NIPA2: variants seen among roughly 807,000 people sequenced by gnomAD.
NIPA2 encodes magnesium transporter NIPA2.
A neutral mutation model predicts 29.7 loss-of-function variants in NIPA2; 11 were observed. That is an observed-to-expected ratio of 0.37 (90% CI 0.23 to 0.61). The LOEUF is 0.61. Ranked by LOEUF, NIPA2 falls within the 20% of genes least tolerant of loss-of-function variation. NIPA2 has a pLI of 0.66. For missense variants in NIPA2, 426 were observed against 437.9 expected (o/e 0.97, Z 0.24); for synonymous variants, 183 against 161.9 (o/e 1.13, Z -0.99).
rs1035681624 is a variant in NIPA2, at chr15:22,867,421, C to T, written c.*574C>T. 4.9e-5 allele frequency: 18 copies of T among 371,106 alleles called. No individual in the cohort carries two copies. Among genetic ancestry groups the T allele is most frequent in the African/African-American group, 1.0e-4 (5 of 48,020 alleles). 23.0% of individuals were successfully genotyped at this position (371,106 alleles called of 1,614,324 possible). On this transcript the variant is annotated 3_prime_UTR_variant, in exon 8 of 8. Coordinates refer to ENST00000337451, the MANE Select transcript of NIPA2 (RefSeq NM_030922.7). ...AAAGGGCAGAAATCACCCCAAGGAA[C>T]GATTTCTCAGGTTGAGATGATCACC...
rs550636271 is a variant in NIPA2 at position 22,853,460 on chromosome 15, A to G, written c.196+192A>G. Among the ~76,000 whole-genome samples, 355 of 145,714 alleles carry G rather than the reference A, an allele frequency of 2.4e-3. 1 individual carries two copies. Among genetic ancestry groups the G allele is most frequent in the Middle Eastern group, 0.018 (5 of 276 alleles). On this transcript the variant is annotated intron_variant, in intron 5 of 7. Transcript: ENST00000337451. ...GTGATCTTGGCTCAGTGCAACCTCCACCTCCTGGATTCAAGCGATTCTCCT... is the reference window on the plus strand; with the variant it reads ...GTGATCTTGGCTCAGTGCAACCTCCGCCTCCTGGATTCAAGCGATTCTCCT...
Position 22,866,393 on chromosome 15 carries a change from A to C in NIPA2, c.629A>C (p.Lys210Thr). The C allele has an allele frequency of 6.2e-7, 1 of 1,614,038 alleles. No individual in the cohort carries two copies. Among genetic ancestry groups the C allele is most frequent in the South Asian group, 1.1e-5 (1 of 91,072 alleles). ...GIAIKELFAG[K>T]PVLRHPLAWI... ...GCTATCAAGGAGCTGTTTGCAGGGAAGCCTGTGCTGCGGCATCCCCTGGCT... is the reference window on the plus strand; with the variant it reads ...GCTATCAAGGAGCTGTTTGCAGGGACGCCTGTGCTGCGGCATCCCCTGGCT... Residue 210 changes from lysine to threonine, a missense_variant, in exon 8 of 8, where the codon AAG becomes ACG. This residue lies in a region of NIPA2 where 357 missense variants were observed against 339.8 expected (regional missense o/e 1.05). Transcript: ENST00000337451.
chr15:22,848,610 G>A (rs1039251654), intron 3 of NIPA2, among the ~76,000 whole-genome samples: 3 of 151,718 alleles, frequency 2.0e-5, no homozygotes, highest in African/African-American at 7.3e-5. Context: ...CGGATCACTC[G>A]AGGTCAGGAG....
intron 7 of NIPA2, among the ~76,000 whole-genome samples, chr15:22,861,555 G>A (rs1452472118): frequency 6.6e-6 from 1 of 152,136 alleles, no homozygotes; most frequent in Non-Finnish European, 1.5e-5. Context: ...AACCTATTGT[G>A]ACCACCGTCT....
chr15:22,860,264 C>T (rs190737729), intron 6 of NIPA2, among the ~76,000 whole-genome samples: 81 of 152,254 alleles, frequency 5.3e-4, no homozygotes, highest in Middle Eastern at 3.4e-3. Flanking sequence ...AGGTGACCCG[C>T]GCACCTTGGC....
chr15:22,841,850 T>C (rs1453712363), intron 2 of NIPA2, among the ~76,000 whole-genome samples: 1 of 152,074 alleles, frequency 6.6e-6, no homozygotes, highest in Non-Finnish European at 1.5e-5. Flanking sequence ...CTGCCCTCAC[T>C]CAAGGTCAGC....
chr15:22,840,767 A>G (rs1896871539), intron 2 of NIPA2, among the ~76,000 whole-genome samples: 1 of 152,180 alleles, frequency 6.6e-6, no homozygotes, highest in South Asian at 2.1e-4. Flanking sequence ...GAAATGATGC[A>G]TGGAATAGTG....
intron 5 of NIPA2, among the ~76,000 whole-genome samples, chr15:22,854,149 GAC>G (rs1321959660): frequency 6.7e-6 from 1 of 149,038 alleles, no homozygotes; most frequent in African/African-American, 2.5e-5. Context: ...TATTTTTTGA[GAC>G]ACAGTCTTGC....
intron 3 of NIPA2, among the ~76,000 whole-genome samples, chr15:22,847,990 G>T (rs1293480284): frequency 6.9e-6 from 1 of 144,944 alleles, no homozygotes; most frequent in Non-Finnish European, 1.6e-5. Context: ...TAGAGACGGG[G>T]TTTCTCCATG....
chr15:22,844,847 A>G (rs1448675080), intron 2 of NIPA2, among the ~76,000 whole-genome samples: 3 of 152,178 alleles, frequency 2.0e-5, no homozygotes, highest in Non-Finnish European at 4.4e-5. Context: ...AGTGTTTAAA[A>G]CGTCAGTAGG....
chr15:22,858,037 A>G (rs2058331091), intron 5 of NIPA2, among the ~76,000 whole-genome samples: 1 of 152,096 alleles, frequency 6.6e-6, no homozygotes, highest in Non-Finnish European at 1.5e-5. Flanking sequence ...TTGTTTCTAG[A>G]ATGTTTCTAA....
chr15:22,856,436 TTAGA>T (rs1158215492), intron 5 of NIPA2, among the ~76,000 whole-genome samples: 6 of 151,786 alleles, frequency 4.0e-5, no homozygotes, highest in Non-Finnish European at 7.4e-5. Flanking sequence ...TAAATGGAAA[TTAGA>T]TAGTAGAGAG....
chr15:22,857,087 T>G (rs956280255), intron 5 of NIPA2, among the ~76,000 whole-genome samples: 1 of 131,972 alleles, frequency 7.6e-6, no homozygotes, highest in Non-Finnish European at 1.6e-5. Flanking sequence ...TTCATAACAC[T>G]TTTAACCTCT....
In NIPA2 at chr15:22,838,921, G is replaced by C. The variant is rs548565304; in HGVS notation, c.-352G>C. 6.6e-6 allele frequency: 1 copy of C among 152,380 alleles called. No homozygotes were observed. The highest frequency in any genetic ancestry group is 1.9e-4 in the East Asian group (1 of 5,176). The allele number at this position is 152,380 out of a possible 1,614,324, so 9.4% of individuals were successfully genotyped here. A position where few individuals can be genotyped will look rare whatever the true frequency, so the allele number is the denominator to read the frequency against. On this transcript the variant is annotated splice_region_variant and 5_prime_UTR_variant, in exon 1 of 8. Coordinates refer to ENST00000337451, the MANE Select transcript of NIPA2 (RefSeq NM_030922.7). The stretch of plus-strand genomic sequence containing the variant: ...GCCGCGCGGCCGGCCGGCCGACTAG[G>C]GTGAGGTCGCCACTCCTTCCTTTCA...
At chr15:22,845,089 T>C (rs1158703546) in intron 2 of NIPA2, 57 bp from the exon 3 acceptor site, 1 of 152,190 alleles carries the variant, frequency 6.6e-6, no homozygotes, top group Non-Finnish European at 1.5e-5. Flanking sequence ...TATCTGTCTT[T>C]AATACTGGCC....
intron 2 of NIPA2, among the ~76,000 whole-genome samples, chr15:22,843,926 G>A (rs900212399): frequency 1.3e-5 from 2 of 152,154 alleles, no homozygotes; most frequent in Non-Finnish European, 2.9e-5. Flanking sequence ...TCGAACTCCT[G>A]GCCTCAGGTG....
At position 22,867,382 on chromosome 15, in the gene NIPA2, T is replaced by TGTAAGAAAGGTTTTG. The variant is rs1232695711; in HGVS notation, c.*535_*536insGTAAGAAAGGTTTTG. 4 of 390,334 alleles carry TGTAAGAAAGGTTTTG rather than the reference T, an allele frequency of 1.0e-5. No homozygotes were observed. The highest frequency in any genetic ancestry group is 1.8e-5 in the Non-Finnish European group (4 of 221,670). The allele number at this position is 390,334 out of a possible 1,614,324, so 24.2% of individuals were successfully genotyped here. On this transcript the variant is annotated 3_prime_UTR_variant, in exon 8 of 8. Transcript: ENST00000337451. Reference sequence around the variant, plus strand: ...GTTACTGAATGAAGGAACCTCTTTCTTACAAAACAAAAAAAAGGGCAGAAA... The same window carrying TGTAAGAAAGGTTTTG: ...GTTACTGAATGAAGGAACCTCTTTCTGTAAGAAAGGTTTTGTACAAAACAAAAAAAAGGGCAGAAA...
At chr15:22,846,698 C>T (rs1898736352) in intron 3 of NIPA2, among the ~76,000 whole-genome samples, 1 of 151,578 alleles carries the variant, frequency 6.6e-6, no homozygotes, top group Admixed American at 6.6e-5. Context: ...CACTTATGGT[C>T]CCAGCTACTT....
At chr15:22,862,262 G>A (rs2141522170) in intron 7 of NIPA2, among the ~76,000 whole-genome samples, 1 of 151,128 alleles carries the variant, frequency 6.6e-6, no homozygotes, top group South Asian at 2.1e-4. Context: ...TGGCCAGGCT[G>A]GTCTCGAATT....
Sources: gnomAD v4.1 joint callset for allele counts (sites outside exome capture counted in the v4.1 genomes callset) on GRCh38, gnomAD v4.1.1 for gene constraint, gnomAD v4.1.1 regional missense constraint, MANE v1.5 for transcripts, NCBI Gene and HGNC (gene_info 2026-07-23, HGNC 2026-07-21) for gene names.